RBPJ: variants seen among roughly 807,000 people sequenced by gnomAD.
The protein encoded by RBPJ is recombination signal binding protein for immunoglobulin kappa J region, also known as recombining binding protein suppressor of hairless.
RBPJ carries 9 observed loss-of-function variants against 67.8 expected under a neutral mutation model. That is an observed-to-expected ratio of 0.13 (90% CI 0.08 to 0.23). The LOEUF (loss-of-function observed/expected upper bound fraction) is 0.23. RBPJ is among the 10% of genes least tolerant of loss of function. The pLI, the probability that RBPJ is intolerant of heterozygous loss-of-function variation, is 1.00. For missense variants in RBPJ, 305 were observed against 595.6 expected (o/e 0.51, Z 5.08); for synonymous variants, 198 against 203.3 (o/e 0.97, Z 0.22).
chr4:26,257,816 A>G lies in RBPJ; in HGVS notation c.-167+94202A>G, dbSNP rs546783327. On this transcript the variant is annotated intron_variant, in intron 1 of 4. Coordinates refer to the RBPJ transcript ENST00000512351. The stretch of plus-strand genomic sequence containing the variant: ...CTAGTTGGCATAGAGATATTTAAAG[A>G]CAGAGGAACCAAAAAGAAGAGAAAA... Among the ~76,000 whole-genome samples, 13 of 152,344 alleles carry G rather than the reference A, an allele frequency of 8.5e-5. No homozygotes were observed. The East Asian group carries it at 2.5e-3, about 29-fold the overall frequency.
the RBPJ span, among the ~76,000 whole-genome samples, chr4:26,119,536 G>A: frequency 6.6e-6 from 1 of 152,074 alleles, no homozygotes; most frequent in Non-Finnish European, 1.5e-5. Flanking sequence ...GTCCATGTCT[G>A]TGCTTTTCTT....
intron 1 of RBPJ, among the ~76,000 whole-genome samples, chr4:26,276,337 T>A (rs892753045): frequency 2.6e-5 from 4 of 151,848 alleles, no homozygotes; most frequent in Admixed American, 6.6e-5. Flanking sequence ...AAATTTTAAG[T>A]TTCTACTTTT....
chr4:26,431,140 C>T lies in RBPJ; in HGVS notation c.*133C>T, dbSNP rs752929590. 14 of 536,006 alleles carry T rather than the reference C, an allele frequency of 2.6e-5. No homozygotes were observed. Among genetic ancestry groups the T allele is most frequent in the African/African-American group, 4.2e-5 (2 of 48,172 alleles). The allele number at this position is 536,006 out of a possible 1,614,324, so 33.2% of individuals were successfully genotyped here. On this transcript the variant is annotated 3_prime_UTR_variant, in exon 11 of 11. Transcript: ENST00000355476. ...ACCAGGTGATACTATTCAAAAACCC[C>T]GTTGTCTCCCTGCAAGTGCTGATTT...
chr4:26,270,409 G>GAAAGAAAGAAAGAAAGAAAGAAAGAA, intron 1 of RBPJ, among the ~76,000 whole-genome samples: 1 of 57,510 alleles, frequency 1.7e-5, no homozygotes, highest in East Asian at 4.2e-4. Flanking sequence ...AAGAAAGAAA[G>GAAAGAAAGAAAGAAAGAAAGAAAGAA]AAAGAAAGAA....
At chr4:26,326,809 C>T (rs1177030538) in intron 1 of RBPJ, among the ~76,000 whole-genome samples, 1 of 152,172 alleles carries the variant, frequency 6.6e-6, no homozygotes, top group African/African-American at 2.4e-5. Context: ...AACCTTTCAT[C>T]TTGAGCAGGG....
chr4:26,166,238 T>C (rs1716291018), intron 1 of RBPJ, among the ~76,000 whole-genome samples: 1 of 135,066 alleles, frequency 7.4e-6, no homozygotes, highest in Non-Finnish European at 1.6e-5. Flanking sequence ...TACCCAGTAA[T>C]GGGATGGCTG....
upstream of RBPJ, among the ~76,000 whole-genome samples, chr4:26,316,115 G>A (rs1427666168): frequency 2.0e-5 from 3 of 151,976 alleles, no homozygotes; most frequent in Non-Finnish European, 4.4e-5. Context: ...AGAGATTAAA[G>A]TAAGACAGGC....
At chr4:26,314,448 AT>A (rs1191108753) in intron 1 of RBPJ, among the ~76,000 whole-genome samples, 7 of 152,262 alleles carry the variant, frequency 4.6e-5, no homozygotes, top group Non-Finnish European at 8.8e-5. Flanking sequence ...CTCCGCCCAA[AT>A]CTTAGGTCAA....
chr4:26,152,708 C>T, the RBPJ span, among the ~76,000 whole-genome samples: 11 of 152,236 alleles, frequency 7.2e-5, no homozygotes, highest in African/African-American at 4.8e-5. Flanking sequence ...ATCCATAGCC[C>T]AAGCTCTTAA....
intron 1 of RBPJ, among the ~76,000 whole-genome samples, chr4:26,305,766 C>CTTTTTTTTT (rs1722212611): frequency 6.9e-5 from 4 of 57,658 alleles, no homozygotes; most frequent in African/African-American, 1.5e-4. Flanking sequence ...TTAGAATTTT[C>CTTTTTTTTT]TTTTCTTTTT....
the RBPJ span, among the ~76,000 whole-genome samples, chr4:26,147,473 A>G: frequency 1.3e-5 from 2 of 152,222 alleles, no homozygotes; most frequent in African/African-American, 2.4e-5. Context: ...TGCCGAATCA[A>G]CTTCTCCCAG....
At chr4:26,407,725 T>G (rs866889022) in intron 3 of RBPJ, among the ~76,000 whole-genome samples, 40 of 152,060 alleles carry the variant, frequency 2.6e-4, no homozygotes, top group African/African-American at 9.4e-4. Flanking sequence ...AGTAGAATTC[T>G]TAGAGATTGT....
intron 1 of RBPJ, among the ~76,000 whole-genome samples, chr4:26,167,086 G>A (rs1716344914): frequency 6.6e-6 from 1 of 151,904 alleles, no homozygotes; most frequent in Non-Finnish European, 1.5e-5. Context: ...GCTCTGTTTT[G>A]GTACCAGTAC....
chr4:26,197,074 A>T (rs1056545174), intron 1 of RBPJ, among the ~76,000 whole-genome samples: 1 of 152,140 alleles, frequency 6.6e-6, no homozygotes, highest in African/African-American at 2.4e-5. Flanking sequence ...TAACTGGTTA[A>T]TTCTCCTTTC....
chr4:26,415,886 C>CTA (rs1734538364), intron 4 of RBPJ, among the ~76,000 whole-genome samples: 1 of 152,132 alleles, frequency 6.6e-6, no homozygotes, highest in South Asian at 2.1e-4. Flanking sequence ...TTTTAGCAGA[C>CTA]TATAAATCAG....
At chr4:26,195,002 T>G (rs984813212) in intron 1 of RBPJ, among the ~76,000 whole-genome samples, 1 of 152,244 alleles carries the variant, frequency 6.6e-6, no homozygotes, top group African/African-American at 2.4e-5. Flanking sequence ...AGGTTTATAC[T>G]GTAAGCCACC....
At chr4:26,304,866 A>AT (rs1254962629) in intron 1 of RBPJ, among the ~76,000 whole-genome samples, 2 of 149,862 alleles carry the variant, frequency 1.3e-5, no homozygotes, top group Non-Finnish European at 3.0e-5. Flanking sequence ...CAATTTATCT[A>AT]TTTTTTTAAT....
At chr4:26,165,131 T>A (rs13132898) in intron 1 of RBPJ, among the ~76,000 whole-genome samples, 3 of 151,938 alleles carry the variant, frequency 2.0e-5, no homozygotes, top group South Asian at 2.1e-4. Flanking sequence ...AAAAATTCTC[T>A]TTTAAAATAA....
intron 1 of RBPJ, among the ~76,000 whole-genome samples, chr4:26,367,453 G>C (rs528438253): frequency 5.3e-5 from 8 of 152,296 alleles, no homozygotes; most frequent in African/African-American, 1.7e-4. Context: ...CTGGGCAACA[G>C]AGCAAGACTC....
Sources: allele counts gnomAD v4.1 joint callset (sites outside exome capture counted in the v4.1 genomes callset), GRCh38; gene constraint gnomAD v4.1.1; transcripts MANE v1.5; gene names NCBI Gene and HGNC (gene_info 2026-07-23, HGNC 2026-07-21).